Variants in C3orf80 observed in about 807,000 individuals in gnomAD.
The protein encoded by C3orf80 is chromosome 3 open reading frame 80.
A neutral mutation model predicts 15.8 loss-of-function variants in C3orf80; 10 were observed. That is an observed-to-expected ratio of 0.63 (90% CI 0.39 to 1.07). C3orf80 has a LOEUF of 1.07. C3orf80 is among the 50% of genes least tolerant of loss of function. The pLI, the probability that C3orf80 is intolerant of heterozygous loss-of-function variation, is 0.01. For missense variants in C3orf80, 364 were observed against 379.3 expected, an observed-to-expected ratio of 0.96 and a Z score of 0.34; for synonymous variants, 183 against 192.0, an observed-to-expected ratio of 0.95 and a Z score of 0.39.
At position 160,225,630 on chromosome 3, in the gene C3orf80, C is replaced by T; in HGVS notation, c.-6C>T. On this transcript the variant is annotated 5_prime_UTR_variant, in exon 1 of 1. Transcript: ENST00000326474. The surrounding 1 kb of genome is among the most constrained non-coding windows in gnomAD (Gnocchi z 5.6). ...TCCCGGACGTTAGCCGAGGTCTGCG[C>T]GGGCCATGTGGGGACCCGGGGTCAC... The T allele has an allele frequency of 7.4e-7, 1 of 1,346,212 alleles. No individual in the cohort carries two copies. Among genetic ancestry groups the T allele is most frequent in the Non-Finnish European group, 9.5e-7 (1 of 1,055,832 alleles). The allele number at this position is 1,346,212 out of a possible 1,614,324, so 83.4% of individuals were successfully genotyped here.
In C3orf80 at chr3:160,225,767, G is replaced by T; in HGVS notation, c.132G>T (p.Leu44=). Reference sequence around the variant, plus strand: ...GGGGCGGCGGGGGCTGCGCTGAGCTGGCGTGCGGCGAGCGGGAGCGCTGCT... The same window carrying T: ...GGGGCGGCGGGGGCTGCGCTGAGCTTGCGTGCGGCGAGCGGGAGCGCTGCT... The part of the protein sequence containing the change: ...PSRGGGGCAE[L]ACGERERCCD... Residue 44 remains leucine (L), a synonymous_variant, in exon 1 of 1, where the codon CTG becomes CTT. Coordinates refer to ENST00000326474, the MANE Select transcript of C3orf80 (RefSeq NM_001168214.2). The surrounding 1 kb of genome is among the most constrained non-coding windows in gnomAD (Gnocchi z 5.6). 1 of 1,446,742 alleles carries T rather than the reference G, an allele frequency of 6.9e-7. No individual in the cohort carries two copies. Among genetic ancestry groups the T allele is most frequent in the Non-Finnish European group, 9.1e-7 (1 of 1,103,686 alleles). The allele number at this position is 1,446,742 out of a possible 1,614,324, so 89.6% of individuals were successfully genotyped here.
In C3orf80 at chr3:160,225,452, G is replaced by T; in HGVS notation, c.-184G>T. 2.1e-6 allele frequency: 1 copy of T among 479,830 alleles called. No homozygotes were observed. The highest frequency in any genetic ancestry group is 3.3e-6 in the Non-Finnish European group (1 of 307,246). The allele number at this position is 479,830 out of a possible 1,614,324, so 29.7% of individuals were successfully genotyped here. A position where few individuals can be genotyped will look rare whatever the true frequency, so the allele number is the denominator to read the frequency against. ...CAGCCGCCTCCCGCAGCCTCCGCGC[G>T]CCGCGGGCTCCTCCTCCCGCCCAAG... On this transcript the variant is annotated 5_prime_UTR_variant, in exon 1 of 1. Transcript: ENST00000326474. The surrounding 1 kb of genome is among the most constrained non-coding windows in gnomAD (Gnocchi z 5.6).
In C3orf80 at chr3:160,226,367, C is replaced by T. The variant is rs1356167476; in HGVS notation, c.732C>T (p.Tyr244=). Reference sequence around the variant, plus strand: ...AGCCCGACGGCGGCGAGGGCCGCTACCCTCTTATCTGAGCGCTCGGGGATC... The same window carrying T: ...AGCCCGACGGCGGCGAGGGCCGCTATCCTCTTATCTGAGCGCTCGGGGATC... ...AAEPDGGEGR[Y]PLI The change falls in exon 1 of 1, where the codon TAC becomes TAT. Residue 244 remains tyrosine (Y), a synonymous_variant. Transcript: ENST00000326474. The surrounding 1 kb of genome is among the most constrained non-coding windows in gnomAD (Gnocchi z 5.2). The T allele has an allele frequency of 6.8e-6, 10 of 1,466,198 alleles. No individual in the cohort carries two copies. Among genetic ancestry groups the T allele is most frequent in the Non-Finnish European group, 9.0e-6 (10 of 1,113,524 alleles). The allele number at this position is 1,466,198 out of a possible 1,614,324, so 90.8% of individuals were successfully genotyped here. A position where few individuals can be genotyped will look rare whatever the true frequency, so the allele number is the denominator to read the frequency against.
Position 160,225,663 on chromosome 3 carries a change from G to A in C3orf80, c.28G>A (p.Gly10Ser). The A allele has an allele frequency of 7.2e-7, 1 of 1,397,292 alleles. No homozygotes were observed. Among genetic ancestry groups the A allele is most frequent in the Non-Finnish European group, 9.3e-7 (1 of 1,080,672 alleles). 86.6% of individuals were successfully genotyped at this position (1,397,292 alleles called of 1,614,324 possible). Residue 10 changes from glycine (G) to serine (S), a missense_variant, in exon 1 of 1, where the codon GGC becomes AGC. Gly to Ser is a moderately conservative substitution (Grantham distance 56). Transcript: ENST00000326474. This position sits in a 1 kb window ranked among gnomAD's most constrained non-coding sequence, Gnocchi z 5.6. MWGPGVTAEGLSVAPAPPPL... is the reference protein window; with the variant it reads MWGPGVTAESLSVAPAPPPL... ...GTGGGGACCCGGGGTCACTGCTGAGGGCCTGTCGGTGGCTCCGGCGCCGCC... is the reference window on the plus strand; with the variant it reads ...GTGGGGACCCGGGGTCACTGCTGAGAGCCTGTCGGTGGCTCCGGCGCCGCC...
At position 160,226,933 on chromosome 3, in the gene C3orf80, C is replaced by G. The variant is rs1170789745; in HGVS notation, c.*554C>G. 6.6e-6 allele frequency: 1 copy of G among 152,304 alleles called. No individual in the cohort carries two copies. Among genetic ancestry groups the G allele is most frequent in the Non-Finnish European group, 1.5e-5 (1 of 68,174 alleles). 9.4% of individuals were successfully genotyped at this position (152,304 alleles called of 1,614,324 possible). A position where few individuals can be genotyped will look rare whatever the true frequency, so the allele number is the denominator to read the frequency against. ...ATGAAATCGCTGCCATGCGGCAGAC[C>G]CCCCAAAATCCCTCAGTGTCTTCCT... is the stretch of plus-strand genomic sequence containing the variant. On this transcript the variant is annotated 3_prime_UTR_variant, in exon 1 of 1. Coordinates refer to ENST00000326474, the MANE Select transcript of C3orf80 (RefSeq NM_001168214.2). This position sits in a 1 kb window ranked among gnomAD's most constrained non-coding sequence, Gnocchi z 5.2.
chr3:160,226,026 G>T lies in C3orf80; in HGVS notation c.391G>T (p.Gly131Cys), dbSNP rs1472143179. The T allele has an allele frequency of 7.4e-7, 1 of 1,350,348 alleles. No homozygotes were observed. Among genetic ancestry groups the T allele is most frequent in the Admixed American group, 3.6e-5 (1 of 27,686 alleles). 83.6% of individuals were successfully genotyped at this position (1,350,348 alleles called of 1,614,324 possible). Residue 131 changes from glycine (G) to cysteine (C), a missense_variant, in exon 1 of 1, where the codon GGC (glycine) becomes TGC (cysteine). Coordinates refer to ENST00000326474, the MANE Select transcript of C3orf80 (RefSeq NM_001168214.2). The surrounding 1 kb of genome is among the most constrained non-coding windows in gnomAD (Gnocchi z 5.2). ...TCCGGGGGGCGCCGGACCGCTGGGG[G>T]GCGCGGGGCCGCCCGACGACGACGA... is the stretch of plus-strand genomic sequence containing the variant. ...GPPGGAGPLG[G>C]AGPPDDDDDS... is the part of the protein sequence containing the mutation.
chr3:160,226,670 T>C lies in C3orf80; in HGVS notation c.*291T>C, dbSNP rs1264536327. ...TCCCTGCCCTCTGCCTTGCCTCGTA[T>C]TGTGGTTCACTAGTAAGTGCCTGCT... is the stretch of plus-strand genomic sequence containing the variant. On this transcript the variant is annotated 3_prime_UTR_variant, in exon 1 of 1. Coordinates refer to ENST00000326474, the MANE Select transcript of C3orf80 (RefSeq NM_001168214.2). The surrounding 1 kb of genome is among the most constrained non-coding windows in gnomAD (Gnocchi z 5.2). 2.7e-6 allele frequency: 1 copy of C among 369,336 alleles called. No homozygotes were observed. The highest frequency in any genetic ancestry group is 4.8e-6 in the Non-Finnish European group (1 of 206,478). The allele number at this position is 369,336 out of a possible 1,614,324, so 22.9% of individuals were successfully genotyped here.
At position 160,226,371 on chromosome 3, in the gene C3orf80, C is replaced by A. The variant is rs1711499738; in HGVS notation, c.736C>A (p.Leu246Ile). 2 of 1,453,736 alleles carry A rather than the reference C, an allele frequency of 1.4e-6. No individual in the cohort carries two copies. The highest frequency in any genetic ancestry group is 2.8e-5 in the East Asian group (1 of 35,908). The allele number at this position is 1,453,736 out of a possible 1,614,324, so 90.1% of individuals were successfully genotyped here. ...CGACGGCGGCGAGGGCCGCTACCCT[C>A]TTATCTGAGCGCTCGGGGATCGGCG... The part of the protein sequence containing the change: ...EPDGGEGRYP[L>I]I Residue 246 changes from leucine to isoleucine, a missense_variant, in exon 1 of 1, where the codon CTT becomes ATT. Leu to Ile is a conservative substitution (Grantham distance 5, BLOSUM62 2). Coordinates refer to ENST00000326474, the MANE Select transcript of C3orf80 (RefSeq NM_001168214.2). This position sits in a 1 kb window ranked among gnomAD's most constrained non-coding sequence, Gnocchi z 5.2.
chr3:160,226,030 CG>C lies in C3orf80; in HGVS notation c.399del (p.Pro134ArgfsTer52). ...GGGGGCGCCGGACCGCTGGGGGGCG[CG>C]GGGCCGCCCGACGACGACGACGACT... ...PPGGAGPLGG[A>X]GPPDDDDDSP... On this transcript the variant is annotated frameshift_variant, in exon 1 of 1. Transcript: ENST00000326474. LOFTEE classifies it high-confidence loss of function. The surrounding 1 kb of genome is among the most constrained non-coding windows in gnomAD (Gnocchi z 5.2). 7.3e-7 allele frequency: 1 copy of C among 1,365,310 alleles called. No homozygotes were observed. Among genetic ancestry groups the C allele is most frequent in the South Asian group, 1.8e-5 (1 of 55,826 alleles). The allele number at this position is 1,365,310 out of a possible 1,614,324, so 84.6% of individuals were successfully genotyped here.
rs2108169725 is a variant in C3orf80, at chr3:160,226,429, G to A, written c.*50G>A. 4.3e-6 allele frequency: 6 copies of A among 1,381,386 alleles called. No individual in the cohort carries two copies. Among genetic ancestry groups the A allele is most frequent in the Admixed American group, 3.4e-5 (1 of 28,998 alleles). 85.6% of individuals were successfully genotyped at this position (1,381,386 alleles called of 1,614,324 possible). A position where few individuals can be genotyped will look rare whatever the true frequency, so the allele number is the denominator to read the frequency against. ...CAGGGCTGGGGGCTGCGGGTGGCAAGCAACGGCCGGGGTGCCGCCGCCAAC... is the reference window on the plus strand; with the variant it reads ...CAGGGCTGGGGGCTGCGGGTGGCAAACAACGGCCGGGGTGCCGCCGCCAAC... On this transcript the variant is annotated 3_prime_UTR_variant, in exon 1 of 1. Transcript: ENST00000326474. This position sits in a 1 kb window ranked among gnomAD's most constrained non-coding sequence, Gnocchi z 5.2.
Position 160,225,877 on chromosome 3 carries a change from A to G in C3orf80, c.242A>G (p.Lys81Arg). The G allele has an allele frequency of 6.7e-7, 1 of 1,491,052 alleles. No individual in the cohort carries two copies. Among genetic ancestry groups the G allele is most frequent in the Non-Finnish European group, 8.9e-7 (1 of 1,125,088 alleles). The allele number at this position is 1,491,052 out of a possible 1,614,324, so 92.4% of individuals were successfully genotyped here. A position where few individuals can be genotyped will look rare whatever the true frequency, so the allele number is the denominator to read the frequency against. Residue 81 changes from lysine (K) to arginine (R), a missense_variant, in exon 1 of 1, where the codon AAG (lysine) becomes AGG (arginine). Lys to Arg is a conservative substitution (Grantham distance 26). Coordinates refer to ENST00000326474, the MANE Select transcript of C3orf80 (RefSeq NM_001168214.2). This position sits in a 1 kb window ranked among gnomAD's most constrained non-coding sequence, Gnocchi z 5.6. ...FLDNVGWFVR[K>R]LSGLLILLVL... ...GACAACGTGGGCTGGTTCGTCCGCA[A>G]GCTCTCCGGGCTGCTCATCCTGCTG...
rs1018775441 is a variant in C3orf80, at chr3:160,225,688, C to T, written c.53C>T (p.Pro18Leu). 20 of 1,394,484 alleles carry T rather than the reference C, an allele frequency of 1.4e-5. No individual in the cohort carries two copies. The highest frequency in any genetic ancestry group is 1.7e-5 in the Non-Finnish European group (18 of 1,079,740). 86.4% of individuals were successfully genotyped at this position (1,394,484 alleles called of 1,614,324 possible). The part of the protein sequence containing the change: ...AEGLSVAPAP[P>L]PLLPLLLLLA... ...GGCCTGTCGGTGGCTCCGGCGCCGCCGCCTCTGCTGCCGCTGCTGCTACTG... is the reference window on the plus strand; with the variant it reads ...GGCCTGTCGGTGGCTCCGGCGCCGCTGCCTCTGCTGCCGCTGCTGCTACTG... The change falls in exon 1 of 1, where the codon CCG becomes CTG. Residue 18 changes from proline (P) to leucine (L), a missense_variant. Transcript: ENST00000326474. The surrounding 1 kb of genome is among the most constrained non-coding windows in gnomAD (Gnocchi z 5.6).
chr3:160,226,123 G>C lies in C3orf80; in HGVS notation c.488G>C (p.Gly163Ala). 1 of 1,518,362 alleles carries C rather than the reference G, an allele frequency of 6.6e-7. No individual in the cohort carries two copies. Among genetic ancestry groups the C allele is most frequent in the Non-Finnish European group, 8.8e-7 (1 of 1,139,638 alleles). The allele number at this position is 1,518,362 out of a possible 1,614,324, so 94.1% of individuals were successfully genotyped here. Residue 163 changes from glycine to alanine, a missense_variant, in exon 1 of 1, where the codon GGC (glycine) becomes GCC (alanine). Physicochemically the swap from Gly to Ala is moderately conservative, Grantham distance 60. Transcript: ENST00000326474. The surrounding 1 kb of genome is among the most constrained non-coding windows in gnomAD (Gnocchi z 5.2). The stretch of plus-strand genomic sequence containing the variant: ...GACTCACTGCTGGACAGTGGCGGCG[G>C]CGGCCGGGGCCGGGGAGGCGGCGGG... Reference protein sequence around the residue: ...SQDSLLDSGGGGRGRGGGGRS... With the variant: ...SQDSLLDSGGAGRGRGGGGRS...
At position 160,227,832 on chromosome 3, in the gene C3orf80, T is replaced by G. The variant is rs946912910; in HGVS notation, c.*1453T>G. On this transcript the variant is annotated 3_prime_UTR_variant, in exon 1 of 1. Coordinates refer to ENST00000326474, the MANE Select transcript of C3orf80 (RefSeq NM_001168214.2). ...TTGTTTATAATATTGTTATTACAGTTTGTCATTCACCTGAAAGGAGAAGGA... is the reference window on the plus strand; with the variant it reads ...TTGTTTATAATATTGTTATTACAGTGTGTCATTCACCTGAAAGGAGAAGGA... 2 of 152,210 alleles carry G rather than the reference T, an allele frequency of 1.3e-5. No individual in the cohort carries two copies. The highest frequency in any genetic ancestry group is 2.4e-5 in the African/African-American group (1 of 41,456). 9.4% of individuals were successfully genotyped at this position (152,210 alleles called of 1,614,324 possible).
rs1377891466 is a variant in C3orf80, at chr3:160,226,056, T to A, written c.421T>A (p.Ser141Thr). 4.9e-6 allele frequency: 7 copies of A among 1,429,202 alleles called. No homozygotes were observed. The highest frequency in any genetic ancestry group is 6.4e-6 in the Non-Finnish European group (7 of 1,095,764). The allele number at this position is 1,429,202 out of a possible 1,614,324, so 88.5% of individuals were successfully genotyped here. A position where few individuals can be genotyped will look rare whatever the true frequency, so the allele number is the denominator to read the frequency against. Residue 141 changes from serine to threonine, a missense_variant, in exon 1 of 1, where the codon TCG becomes ACG. Physicochemically the swap from Ser to Thr is moderately conservative, Grantham distance 58 (BLOSUM62 1). Coordinates refer to ENST00000326474, the MANE Select transcript of C3orf80 (RefSeq NM_001168214.2). This position sits in a 1 kb window ranked among gnomAD's most constrained non-coding sequence, Gnocchi z 5.2. Reference protein sequence around the residue: ...GAGPPDDDDDSPALLRDEAAA... With the variant: ...GAGPPDDDDDTPALLRDEAAA... ...GGGGCCGCCCGACGACGACGACGAC[T>A]CGCCCGCTCTGCTGCGCGACGAGGC...
Position 160,227,472 on chromosome 3 carries a change from T to G in C3orf80, c.*1093T>G, listed in dbSNP as rs935482820. ...TGCATTATGTAGTATAGCTTTTAAT[T>G]GTATCATTCATCACAGTTATATGTA... is the stretch of plus-strand genomic sequence containing the variant. On this transcript the variant is annotated 3_prime_UTR_variant, in exon 1 of 1. Coordinates refer to ENST00000326474, the MANE Select transcript of C3orf80 (RefSeq NM_001168214.2). The G allele has an allele frequency of 2.0e-5, 3 of 152,254 alleles. No individual in the cohort carries two copies. Among genetic ancestry groups the G allele is most frequent in the African/African-American group, 7.2e-5 (3 of 41,472 alleles). The allele number at this position is 152,254 out of a possible 1,614,324, so 9.4% of individuals were successfully genotyped here.
At position 160,225,882 on chromosome 3, in the gene C3orf80, T is replaced by G. The variant is rs754975775; in HGVS notation, c.247T>G (p.Ser83Ala). 19 of 1,489,534 alleles carry G rather than the reference T, an allele frequency of 1.3e-5. No homozygotes were observed. The highest frequency in any genetic ancestry group is 2.9e-5 in the East Asian group (1 of 34,932). The allele number at this position is 1,489,534 out of a possible 1,614,324, so 92.3% of individuals were successfully genotyped here. A position where few individuals can be genotyped will look rare whatever the true frequency, so the allele number is the denominator to read the frequency against. The change falls in exon 1 of 1, where the codon TCC becomes GCC. Residue 83 changes from serine (S) to alanine (A), a missense_variant. Transcript: ENST00000326474. This position sits in a 1 kb window ranked among gnomAD's most constrained non-coding sequence, Gnocchi z 5.6. Reference sequence around the variant, plus strand: ...CGTGGGCTGGTTCGTCCGCAAGCTCTCCGGGCTGCTCATCCTGCTGGTGCT... The same window carrying G: ...CGTGGGCTGGTTCGTCCGCAAGCTCGCCGGGCTGCTCATCCTGCTGGTGCT... ...DNVGWFVRKL[S>A]GLLILLVLFA...
Position 160,228,176 on chromosome 3 carries a change from T to G in C3orf80, c.*1797T>G, listed in dbSNP as rs1711526074. 1 of 152,114 alleles carries G rather than the reference T, an allele frequency of 6.6e-6. No homozygotes were observed. The highest frequency in any genetic ancestry group is 6.5e-5 in the Admixed American group (1 of 15,274). 9.4% of individuals were successfully genotyped at this position (152,114 alleles called of 1,614,324 possible). On this transcript the variant is annotated 3_prime_UTR_variant, in exon 1 of 1. Coordinates refer to ENST00000326474, the MANE Select transcript of C3orf80 (RefSeq NM_001168214.2). ...AAATCATTTGAAGTGTATTAAAAAA[T>G]AGCAAAACATTAAAATCTTTTCTCT...
In C3orf80 at chr3:160,225,741, C is replaced by G; in HGVS notation, c.106C>G (p.Arg36Gly). The G allele has an allele frequency of 7.3e-7, 1 of 1,362,042 alleles. No homozygotes were observed. 84.4% of individuals were successfully genotyped at this position (1,362,042 alleles called of 1,614,324 possible). A position where few individuals can be genotyped will look rare whatever the true frequency, so the allele number is the denominator to read the frequency against. Residue 36 changes from arginine (R) to glycine (G), a missense_variant, in exon 1 of 1, where the codon CGG (arginine) becomes GGG (glycine). By Grantham distance (125) the Arg-to-Gly change is moderately radical. Transcript: ENST00000326474. This position sits in a 1 kb window ranked among gnomAD's most constrained non-coding sequence, Gnocchi z 5.6. Reference sequence around the variant, plus strand: ...GGCGCTGGCGCTGGTGGCGCCCTCGCGGGGCGGCGGGGGCTGCGCTGAGCT... The same window carrying G: ...GGCGCTGGCGCTGGTGGCGCCCTCGGGGGGCGGCGGGGGCTGCGCTGAGCT... ...LLALALVAPS[R>G]GGGGCAELAC...
Sources: gnomAD v4.1 joint callset for allele counts on GRCh38, gnomAD v4.1.1 for gene constraint, Gnocchi (gnomAD v3.1) non-coding constraint, MANE v1.5 for transcripts, NCBI Gene and HGNC (gene_info 2026-07-23, HGNC 2026-07-21) for gene names.